Variants in CDH18 observed in about 807,000 individuals in gnomAD.
CDH18 encodes the protein cadherin-18.
Under a neutral mutation model 67.9 loss-of-function variants are expected in CDH18, and 31 were observed. The observed-to-expected ratio is 0.46, with a 90% CI of 0.34 to 0.62. The LOEUF is 0.62. CDH18 is among the 20% of genes least tolerant of loss of function. The pLI is 0.01. For synonymous variants in CDH18, 362 were observed against 347.2 expected, an observed-to-expected ratio of 1.04 and a Z score of -0.48; for missense variants, 890 against 975.5, an observed-to-expected ratio of 0.91 and a Z score of 1.17.
intron 5 of CDH18, among the ~76,000 whole-genome samples, chr5:19,650,378 A>C (rs568810325): frequency 1.3e-5 from 2 of 152,248 alleles, no homozygotes; most frequent in South Asian, 2.1e-4. Context: ...TTTGTTAACT[A>C]ATAATTTTGG....
At position 20,538,898 on chromosome 5, in the gene CDH18, G is replaced by GTTTTTTTTTTTTTTTTTTTTTTTTTT. The variant is rs376091293; in HGVS notation, c.-580+36563_-580+36564insAAAAAAAAAAAAAAAAAAAAAAAAAA. Among the ~76,000 whole-genome samples, 2 of 106,764 alleles carry GTTTTTTTTTTTTTTTTTTTTTTTTTT rather than the reference G, an allele frequency of 1.9e-5. 1 individual carries two copies. Among genetic ancestry groups the GTTTTTTTTTTTTTTTTTTTTTTTTTT allele is most frequent in the Non-Finnish European group, 3.6e-5 (2 of 55,186 alleles). 70.0% of individuals were successfully genotyped at this position (106,764 alleles called of 152,430 possible). ...TGGATATACATCCACATAGCCAACT[G>GTTTTTTTTTTTTTTTTTTTTTTTTTT]TTTTTTTTTTGTTTTTTTTTTTTTT... On this transcript the variant is annotated intron_variant, in intron 1 of 14. Transcript: ENST00000507958.
chr5:19,506,781 G>T (rs1744245001), intron 10 of CDH18, among the ~76,000 whole-genome samples: 2 of 152,132 alleles, frequency 1.3e-5, no homozygotes, highest in African/African-American at 4.8e-5. Context: ...TTAAATGTTT[G>T]ACCTAAAACC....
intron 1 of CDH18, among the ~76,000 whole-genome samples, chr5:20,516,993 C>T (rs1755420715): frequency 6.6e-6 from 1 of 151,874 alleles, no homozygotes; most frequent in Non-Finnish European, 1.5e-5. Flanking sequence ...CAATGAAAAT[C>T]TATTTCATCT....
At chr5:19,548,602 C>G in intron 8 of CDH18, among the ~76,000 whole-genome samples, 1 of 151,812 alleles carries the variant, frequency 6.6e-6, no homozygotes, top group East Asian at 1.9e-4. Context: ...ATTAAACACT[C>G]ATAACAGCTG....
intron 2 of CDH18, among the ~76,000 whole-genome samples, chr5:19,911,427 T>A (rs979959576): frequency 6.6e-6 from 1 of 151,900 alleles, no homozygotes; most frequent in Non-Finnish European, 1.5e-5. Context: ...CACTGAAAGG[T>A]CATGTGCTAT....
Position 19,592,238 on chromosome 5 carries a change from C to T in CDH18, c.812-994G>A, listed in dbSNP as rs546820579. On this transcript the variant is annotated intron_variant, in intron 6 of 12. Transcript: ENST00000382275. Reference sequence around the variant, plus strand: ...AGATAGATAGCTAACAATTTTAAAGCACTGTTAATTTTATACTCTCATTGT... The same window carrying T: ...AGATAGATAGCTAACAATTTTAAAGTACTGTTAATTTTATACTCTCATTGT... 5.3e-5 allele frequency among the ~76,000 whole-genome samples: 8 copies of T among 152,040 alleles called. No homozygotes were observed. In the East Asian group the frequency reaches 1.4e-3, roughly 26 times the overall value.
chr5:20,057,266 C>T (rs1383580542), intron 2 of CDH18, among the ~76,000 whole-genome samples: 1 of 151,996 alleles, frequency 6.6e-6, no homozygotes, highest in East Asian at 1.9e-4. Flanking sequence ...ATAAAAATCC[C>T]AGGAATTCAA....
At chr5:20,109,702 A>AT (rs1174696453) in intron 2 of CDH18, among the ~76,000 whole-genome samples, 1 of 152,090 alleles carries the variant, frequency 6.6e-6, no homozygotes, top group Non-Finnish European at 1.5e-5. Flanking sequence ...CAGCACAGTC[A>AT]TTTTTTGCTT....
intron 2 of CDH18, among the ~76,000 whole-genome samples, chr5:19,886,934 T>C (rs1034251636): frequency 4.6e-5 from 7 of 151,978 alleles, no homozygotes; most frequent in Non-Finnish European, 8.8e-5. Flanking sequence ...TAGCTTGATC[T>C]TTACATTGCT....
intron 1 of CDH18, among the ~76,000 whole-genome samples, chr5:20,571,905 A>T (rs1208898723): frequency 1.3e-5 from 2 of 152,114 alleles, no homozygotes; most frequent in Non-Finnish European, 2.9e-5. Flanking sequence ...TCATGGACTC[A>T]TTATTAAATG....
chr5:20,283,530 GA>G (rs35902511), intron 1 of CDH18, among the ~76,000 whole-genome samples: 73,517 of 149,614 alleles, frequency 0.49, 18,398 homozygotes, highest in East Asian at 0.7. Flanking sequence ...CAGAGAAATG[GA>G]AAAAAAAAAC....
chr5:19,523,299 C>A (rs1354897074), intron 9 of CDH18, among the ~76,000 whole-genome samples: 1 of 151,950 alleles, frequency 6.6e-6, no homozygotes, highest in Non-Finnish European at 1.5e-5. Context: ...TTTCAAAACA[C>A]AAAATTCACT....
At chr5:20,364,708 T>G (rs1742373254) in intron 1 of CDH18, among the ~76,000 whole-genome samples, 1 of 152,210 alleles carries the variant, frequency 6.6e-6, no homozygotes, top group Admixed American at 6.5e-5. Flanking sequence ...CCATAATGTA[T>G]ACTATGTAAC....
intron 2 of CDH18, among the ~76,000 whole-genome samples, chr5:19,999,608 T>A (rs1736284485): frequency 6.6e-6 from 1 of 151,992 alleles, no homozygotes; most frequent in Non-Finnish European, 1.5e-5. Context: ...GTCTCAAAAA[T>A]AATAATAATA....
intron 1 of CDH18, among the ~76,000 whole-genome samples, chr5:20,385,562 T>C (rs1159434506): frequency 1.3e-5 from 2 of 152,204 alleles, no homozygotes; most frequent in African/African-American, 2.4e-5. Context: ...TAGTCTCTTC[T>C]TGATACAGAT....
intron 2 of CDH18, among the ~76,000 whole-genome samples, chr5:20,078,044 A>G (rs1744102126): frequency 6.6e-6 from 1 of 152,220 alleles, no homozygotes; most frequent in South Asian, 2.1e-4. Context: ...AAAATATGGT[A>G]TTTTATATGA....
chr5:19,482,694 G>A (rs1739669151), intron 12 of CDH18, among the ~76,000 whole-genome samples: 1 of 152,134 alleles, frequency 6.6e-6, no homozygotes, highest in Admixed American at 6.5e-5. Context: ...AATGCCTAGT[G>A]TAGTCAAGCA....
chr5:19,657,031 AAT>A (rs1756498396), intron 5 of CDH18, among the ~76,000 whole-genome samples: 1 of 152,112 alleles, frequency 6.6e-6, no homozygotes, highest in African/African-American at 2.4e-5. Flanking sequence ...TGGTGAAAAT[AAT>A]ATTAGTCTTA....
chr5:20,332,371 T>C (rs1269317438), intron 1 of CDH18, among the ~76,000 whole-genome samples: 1 of 152,224 alleles, frequency 6.6e-6, no homozygotes, highest in Non-Finnish European at 1.5e-5. Context: ...TTTTTCTTTT[T>C]ACTTCTTGTC....
Sources: allele counts gnomAD v4.1 joint callset (sites outside exome capture counted in the v4.1 genomes callset), GRCh38; gene constraint gnomAD v4.1.1; transcripts MANE v1.5; gene names NCBI Gene and HGNC (gene_info 2026-07-23, HGNC 2026-07-21).